TENM2: variants seen among roughly 807,000 people sequenced by gnomAD.
TENM2 encodes teneurin-2.
In TENM2, 52 loss-of-function variants were observed where a neutral mutation model predicts 245.2. The ratio of observed to expected loss-of-function variants is 0.21; its 90% confidence interval spans 0.17 to 0.27. TENM2 has a LOEUF of 0.27. TENM2 is among the 10% of genes least tolerant of loss of function. The pLI, the probability that TENM2 is intolerant of heterozygous loss-of-function variation, is 1.00. For missense variants in TENM2, 3,046 were observed against 3,666.8 expected (o/e 0.83, Z 4.37); for synonymous variants, 1,363 against 1,438.9 (o/e 0.95, Z 1.19).
At chr5:167,183,777 G>A in the TENM2 span, among the ~76,000 whole-genome samples, 50 of 152,118 alleles carry the variant, frequency 3.3e-4, no homozygotes, top group South Asian at 1.7e-3. Flanking sequence ...CACCTGAGCC[G>A]TGAGAAAAAA....
intron 3 of TENM2, among the ~76,000 whole-genome samples, chr5:167,901,839 TA>T (rs1415410815): frequency 6.6e-6 from 1 of 152,236 alleles, no homozygotes; most frequent in Non-Finnish European, 1.5e-5. Flanking sequence ...CCTCTTTATA[TA>T]AGAATTTATT....
exon 12 of TENM2, chr5:168,126,872 G>A: frequency 1.2e-6 from 2 of 1,609,098 alleles, no homozygotes; most frequent in Non-Finnish European, 1.7e-6. Context: ...GCTGCATTGA[G>A]CACGGGACCT....
chr5:167,253,163 T>C, the TENM2 span, among the ~76,000 whole-genome samples: 1 of 151,792 alleles, frequency 6.6e-6, no homozygotes, highest in Non-Finnish European at 1.5e-5. Flanking sequence ...CAATCTTGGC[T>C]CAGTGCAGCC....
At chr5:168,003,815 C>T (rs561231545) in intron 5 of TENM2, among the ~76,000 whole-genome samples, 85 of 152,258 alleles carry the variant, frequency 5.6e-4, no homozygotes, top group African/African-American at 1.7e-3. Context: ...ATAGACACAG[C>T]GGACTCTTGC....
At position 167,448,535 on chromosome 5, in the gene TENM2, A is replaced by G. The variant is rs139827172; in HGVS notation, c.502+73062A>G. 4.7e-5 allele frequency among the ~76,000 whole-genome samples: 7 copies of G among 148,750 alleles called. No homozygotes were observed. In the East Asian group the frequency reaches 7.9e-4, roughly 17 times the overall value. ...TTGCTATCTCGTATGTTAGGTAAGC[A>G]TATGCTGCTATAAATAGGAAAACAA... On this transcript the variant is annotated intron_variant, in intron 2 of 28. Coordinates refer to ENST00000518659, the Ensembl canonical transcript of TENM2.
the TENM2 span, among the ~76,000 whole-genome samples, chr5:167,021,952 A>C: frequency 6.6e-6 from 1 of 152,140 alleles, no homozygotes; most frequent in African/African-American, 2.4e-5. Flanking sequence ...GCCTGACAAG[A>C]CCTAACCCAT....
the TENM2 span, among the ~76,000 whole-genome samples, chr5:167,068,075 A>C: frequency 6.6e-6 from 1 of 152,232 alleles, no homozygotes; most frequent in South Asian, 2.1e-4. Flanking sequence ...TTGAACAACC[A>C]TAACTTTAGT....
In TENM2 at chr5:167,332,316, C is replaced by T. The variant is rs528345415; in HGVS notation, c.227-42882C>T. The stretch of plus-strand genomic sequence containing the variant: ...AAATTAATTATCAATACCTTTTATG[C>T]CTTTTTATGTTTTTGTTCTATATTT... On this transcript the variant is annotated intron_variant, in intron 1 of 28. Coordinates refer to ENST00000518659, the Ensembl canonical transcript of TENM2. Among the ~76,000 whole-genome samples the T allele has an allele frequency of 3.3e-5, 5 of 152,210 alleles. No homozygotes were observed. In the South Asian group the frequency reaches 1.0e-3, roughly 32 times the overall value.
the TENM2 span, among the ~76,000 whole-genome samples, chr5:167,220,683 G>C: frequency 1.3e-5 from 2 of 152,142 alleles, no homozygotes; most frequent in African/African-American, 4.8e-5. Flanking sequence ...TGTCAGCTTT[G>C]TTACCTTAGG....
chr5:167,431,047 A>G (rs971829010), intron 2 of TENM2, among the ~76,000 whole-genome samples: 2 of 152,220 alleles, frequency 1.3e-5, no homozygotes, highest in Admixed American at 6.5e-5. Context: ...GGGAATCCCA[A>G]AGCTAAAGTT....
chr5:167,696,238 T>G (rs1415305724), intron 2 of TENM2, among the ~76,000 whole-genome samples: 2 of 151,956 alleles, frequency 1.3e-5, no homozygotes, highest in Non-Finnish European at 2.9e-5. Context: ...ATATCTGTAG[T>G]TCTGAAAAAA....
chr5:167,050,466 C>A, the TENM2 span, among the ~76,000 whole-genome samples: 1 of 152,128 alleles, frequency 6.6e-6, no homozygotes, highest in Non-Finnish European at 1.5e-5. Context: ...AGGTTGGAGA[C>A]CGCTGGTCTA....
At position 167,368,355 on chromosome 5, in the gene TENM2, A is replaced by G. The variant is rs149469298; in HGVS notation, c.227-6843A>G. On this transcript the variant is annotated intron_variant, in intron 1 of 28. Transcript: ENST00000518659. ...GCATATATAGTCATGTTACAGCAAA[A>G]TTGTTTGATTGTACCACATTATATC... Among the ~76,000 whole-genome samples, 1,062 of 152,144 alleles carry G rather than the reference A, an allele frequency of 7.0e-3. 19 individuals are homozygous for G. The highest frequency in any genetic ancestry group is 0.024 in the African/African-American group (1,012 of 41,496).
intron 3 of TENM2, among the ~76,000 whole-genome samples, chr5:167,928,405 A>G (rs1251158032): frequency 6.6e-6 from 1 of 152,230 alleles, no homozygotes; most frequent in Non-Finnish European, 1.5e-5. Context: ...CATAAAGGAT[A>G]TTACTAACGT....
At chr5:168,123,004 A>G (rs1380815347) in intron 10 of TENM2, among the ~76,000 whole-genome samples, 1 of 152,156 alleles carries the variant, frequency 6.6e-6, no homozygotes, top group Non-Finnish European at 1.5e-5. Flanking sequence ...TCAGTATTAA[A>G]ATACACCAAT....
intron 2 of TENM2, among the ~76,000 whole-genome samples, chr5:167,622,692 A>G (rs1283471636): frequency 6.6e-6 from 1 of 152,100 alleles, no homozygotes. Flanking sequence ...AGACATGACA[A>G]TTGCTTTAAG....
chr5:167,203,747 A>G, the TENM2 span, among the ~76,000 whole-genome samples: 3 of 152,094 alleles, frequency 2.0e-5, no homozygotes, highest in Non-Finnish European at 4.4e-5. Flanking sequence ...TTTTATAATT[A>G]TGAATCTATT....
intron 3 of TENM2, among the ~76,000 whole-genome samples, chr5:167,891,079 A>G (rs1374247643): frequency 6.6e-6 from 1 of 152,158 alleles, no homozygotes; most frequent in African/African-American, 2.4e-5. Context: ...AATGTACTCT[A>G]TGTTTTGTAG....
rs1786976022 is a variant in TENM2, at chr5:168,030,055, C to T, written c.1187-17372C>T. Among the ~76,000 whole-genome samples the T allele has an allele frequency of 2.0e-5, 3 of 151,132 alleles. No homozygotes were observed. In the South Asian group the frequency reaches 6.3e-4, roughly 32 times the overall value. On this transcript the variant is annotated intron_variant, in intron 5 of 28. Coordinates refer to ENST00000518659, the Ensembl canonical transcript of TENM2. Reference sequence around the variant, plus strand: ...CTCTCTGATCATGGGTCACCTGGAGCAGGCAGAATGGACACAGGGCAGGTA... The same window carrying T: ...CTCTCTGATCATGGGTCACCTGGAGTAGGCAGAATGGACACAGGGCAGGTA...
Sources: gnomAD v4.1 joint callset for allele counts (sites outside exome capture counted in the v4.1 genomes callset) on GRCh38, gnomAD v4.1.1 for gene constraint, MANE v1.5 for transcripts, NCBI Gene and HGNC (gene_info 2026-07-23, HGNC 2026-07-21) for gene names.